KSR1: variants seen among roughly 807,000 people sequenced by gnomAD.
KSR1 encodes the protein kinase suppressor of ras 1, also known as kinase suppressor of ras.
In KSR1, 35 loss-of-function variants were observed where a neutral mutation model predicts 92.9. That is an observed-to-expected ratio of 0.38 (90% CI 0.29 to 0.50). The LOEUF (loss-of-function observed/expected upper bound fraction) is 0.50, where lower values mean the gene tolerates loss of function less well. Ranked by LOEUF, KSR1 falls within the 20% of genes least tolerant of loss-of-function variation. The probability of loss-of-function intolerance (pLI) is 0.94; values close to 1 mark genes in which losing one functional copy is unlikely to be tolerated. For missense variants in KSR1, 972 were observed against 1,158.5 expected (o/e 0.84, Z 2.34); for synonymous variants, 467 against 472.6 (o/e 0.99, Z 0.15).
In KSR1 at chr17:27,581,969, A is replaced by T. The variant is rs2072777345; in HGVS notation, c.521-677A>T. Among the ~76,000 whole-genome samples, 3 of 152,302 alleles carry T rather than the reference A, an allele frequency of 2.0e-5. No individual in the cohort carries two copies. The South Asian group carries it at 6.2e-4, about 32-fold the overall frequency. On this transcript the variant is annotated intron_variant, in intron 3 of 20. Transcript: ENST00000644974. Reference sequence around the variant, plus strand: ...CAGAGCACTTTGCTGTTGGATGCTCAGAATAGCCCCTCGTCCCAATGTTTG... The same window carrying T: ...CAGAGCACTTTGCTGTTGGATGCTCTGAATAGCCCCTCGTCCCAATGTTTG...
At chr17:27,600,306 G>C (rs1260667988) in intron 10 of KSR1, among the ~76,000 whole-genome samples, 1 of 151,988 alleles carries the variant, frequency 6.6e-6, no homozygotes. Context: ...ATGGTGGTGG[G>C]CTGGGTGCCT....
intron 1 of KSR1, chr17:27,465,553 G>T (rs935225905): frequency 6.6e-6 from 1 of 152,056 alleles, no homozygotes; most frequent in Non-Finnish European, 1.5e-5. Context: ...AAGAGATAAA[G>T]ACCCGTGTTT....
At chr17:27,512,260 G>C (rs796691471) in intron 1 of KSR1, among the ~76,000 whole-genome samples, 4 of 152,276 alleles carry the variant, frequency 2.6e-5, no homozygotes, top group African/African-American at 9.6e-5. Flanking sequence ...TATGATTTTG[G>C]CTTGGAAAAT....
intron 2 of KSR1, among the ~76,000 whole-genome samples, chr17:27,563,975 C>T (rs1164354594): frequency 3.9e-5 from 4 of 103,160 alleles, no homozygotes; most frequent in South Asian, 7.3e-4. Flanking sequence ...AGTTGGTATT[C>T]GGTAGCTTTT....
intron 2 of KSR1, among the ~76,000 whole-genome samples, chr17:27,569,686 A>G (rs1243191017): frequency 6.6e-6 from 1 of 152,248 alleles, no homozygotes; most frequent in African/African-American, 2.4e-5. Flanking sequence ...GTTAAATTTT[A>G]TGGGAGCACA....
intron 2 of KSR1, among the ~76,000 whole-genome samples, chr17:27,570,558 C>T (rs939928799): frequency 5.9e-5 from 9 of 152,196 alleles, no homozygotes; most frequent in African/African-American, 1.4e-4. Context: ...CCAATGCATA[C>T]GTGAGAAGAA....
rs2074283588 is a variant in KSR1, at chr17:27,623,635, A to G, written c.*243A>G. ...ACAGACAGCAAATGTTTACACGTAT[A>G]TTTCTCCTGAGTGAACCTGATGTTT... is the stretch of plus-strand genomic sequence containing the variant. On this transcript the variant is annotated 3_prime_UTR_variant, in exon 21 of 21. Transcript: ENST00000644974. The G allele has an allele frequency of 1.6e-6, 1 of 608,342 alleles. No homozygotes were observed. The highest frequency in any genetic ancestry group is 3.1e-5 in the Admixed American group (1 of 32,580). The allele number at this position is 608,342 out of a possible 1,614,324, so 37.7% of individuals were successfully genotyped here. A position where few individuals can be genotyped will look rare whatever the true frequency, so the allele number is the denominator to read the frequency against.
At chr17:27,600,129 T>C (rs188725924) in intron 10 of KSR1, among the ~76,000 whole-genome samples, 2 of 134,010 alleles carry the variant, frequency 1.5e-5, no homozygotes, top group East Asian at 4.4e-4. Context: ...GTAGAACAAG[T>C]ATACTCTAAA....
chr17:27,495,537 G>T (rs764332571), intron 1 of KSR1, among the ~76,000 whole-genome samples: 28 of 152,304 alleles, frequency 1.8e-4, no homozygotes, highest in Non-Finnish European at 3.2e-4. Flanking sequence ...TGCCCCAAAG[G>T]TGGAGTTGGG....
At chr17:27,521,821 A>C (rs1236179812) in intron 1 of KSR1, among the ~76,000 whole-genome samples, 1 of 152,192 alleles carries the variant, frequency 6.6e-6, no homozygotes, top group Non-Finnish European at 1.5e-5. Flanking sequence ...TGCCCTGTTA[A>C]TCCACACTCT....
At chr17:27,480,554 T>C (rs1239504191) in intron 1 of KSR1, among the ~76,000 whole-genome samples, 2 of 152,116 alleles carry the variant, frequency 1.3e-5, no homozygotes, top group African/African-American at 2.4e-5. Flanking sequence ...TGCTCCACCA[T>C]GCCCATCTGA....
At position 27,605,630 on chromosome 17, in the gene KSR1, G is replaced by A. The variant is rs774211417; in HGVS notation, c.1811G>A (p.Arg604Gln). The A allele has an allele frequency of 1.9e-6, 3 of 1,609,188 alleles. No homozygotes were observed. The highest frequency in any genetic ancestry group is 2.5e-6 in the Non-Finnish European group (3 of 1,178,420). The stretch of plus-strand genomic sequence containing the variant: ...CCCATCGGGCAGGGCCGCTGGGGCC[G>A]GGTGCACCGCGGCCGCTGGCATGGC... ...GEPIGQGRWG[R>Q]VHRGRWHGEV... is the part of the protein sequence containing the mutation. The change falls in exon 14 of 21, where the codon CGG (arginine) becomes CAG (glutamine). Residue 604 changes from arginine (R) to glutamine (Q), a missense_variant. Arg to Gln is a conservative substitution (Grantham distance 43). Transcript: ENST00000644974.
At chr17:27,592,146 A>G (rs1026261365) in intron 7 of KSR1, among the ~76,000 whole-genome samples, 3 of 152,204 alleles carry the variant, frequency 2.0e-5, no homozygotes, top group Non-Finnish European at 2.9e-5. Flanking sequence ...GGATGGATAG[A>G]TGACAGCAGA....
At chr17:27,468,052 C>T (rs1170177370) in intron 1 of KSR1, among the ~76,000 whole-genome samples, 2 of 151,756 alleles carry the variant, frequency 1.3e-5, no homozygotes, top group African/African-American at 4.8e-5. Flanking sequence ...CTCCTGACCT[C>T]GTGATCCGCC....
chr17:27,510,004 G>T (rs1053888873), intron 1 of KSR1, among the ~76,000 whole-genome samples: 1 of 152,132 alleles, frequency 6.6e-6, no homozygotes, highest in Non-Finnish European at 1.5e-5. Flanking sequence ...TAGTTTTGGG[G>T]GCCTGAGGAG....
chr17:27,526,042 C>CTTTTCTTTTCT (rs60220711), intron 1 of KSR1, among the ~76,000 whole-genome samples: 280 of 105,332 alleles, frequency 2.7e-3, no homozygotes, highest in Middle Eastern at 4.2e-3. Flanking sequence ...CTTTTCTTTT[C>CTTTTCTTTTCT]TTTCTCTCTC....
intron 2 of KSR1, among the ~76,000 whole-genome samples, chr17:27,565,625 A>G (rs990462955): frequency 1.3e-5 from 2 of 152,104 alleles, no homozygotes; most frequent in Admixed American, 6.5e-5. Context: ...GGCTTTTGCC[A>G]TGTTGCCCAG....
chr17:27,611,362 C>A lies in KSR1; in HGVS notation c.2358-132C>A, dbSNP rs1041356519. 4 of 1,169,144 alleles carry A rather than the reference C, an allele frequency of 3.4e-6. No individual in the cohort carries two copies. In the African/African-American group the frequency reaches 4.6e-5, roughly 13 times the overall value. The allele number at this position is 1,169,144 out of a possible 1,614,324, so 72.4% of individuals were successfully genotyped here. Reference sequence around the variant, plus strand: ...GCCTCCAGGAGCCCACTGTAGCATCCCCTGAAGCCAAGTGGGTGAGGAAGG... The same window carrying A: ...GCCTCCAGGAGCCCACTGTAGCATCACCTGAAGCCAAGTGGGTGAGGAAGG... On this transcript the variant is annotated intron_variant, in intron 17 of 20. Coordinates refer to ENST00000644974, the MANE Select transcript of KSR1 (RefSeq NM_001394583.1).
chr17:27,623,056 T>C (rs2074268774), intron 20 of KSR1: 1 of 565,004 alleles, frequency 1.8e-6, no homozygotes, highest in African/African-American at 1.9e-5. Flanking sequence ...CCCACAGCAG[T>C]ACTGAGCATG....
Sources: gnomAD v4.1 joint callset for allele counts (sites outside exome capture counted in the v4.1 genomes callset) on GRCh38, gnomAD v4.1.1 for gene constraint, MANE v1.5 for transcripts, NCBI Gene and HGNC (gene_info 2026-07-23, HGNC 2026-07-21) for gene names.